The following SPAG17 variants were observed in gnomAD, a reference collection of about 807,000 sequenced individuals.
SPAG17 encodes sperm associated antigen 17, also known as sperm-associated antigen 17.
A neutral mutation model predicts 273.6 loss-of-function variants in SPAG17; 169 were observed. The observed-to-expected ratio is 0.62, with a 90% confidence interval of 0.55 to 0.70. The LOEUF is 0.70. SPAG17 is among the 30% of genes least tolerant of loss of function. SPAG17 has a pLI of 0.00. For missense variants in SPAG17, 2,557 were observed against 2,627.8 expected, an observed-to-expected ratio of 0.97 and a Z score of 0.59; for synonymous variants, 825 against 873.2, an observed-to-expected ratio of 0.94 and a Z score of 0.97.
At chr1:118,119,720 A>T (rs569119338) in intron 3 of SPAG17, among the ~76,000 whole-genome samples, 1 of 152,234 alleles carries the variant, frequency 6.6e-6, no homozygotes, top group Non-Finnish European at 1.5e-5. Flanking sequence ...CTTTCAGCAC[A>T]CATTCTTTTG....
chr1:118,085,190 C>T (rs890648226), intron 13 of SPAG17, among the ~76,000 whole-genome samples: 9 of 152,070 alleles, frequency 5.9e-5, no homozygotes, highest in Non-Finnish European at 2.9e-5. Context: ...TCTCGATCCT[C>T]TTCTTTTTTT....
rs146030923 is a variant in SPAG17, at chr1:118,069,704, T to C, written c.2386-2805A>G. 1.4e-3 allele frequency among the ~76,000 whole-genome samples: 220 copies of C among 152,202 alleles called. 1 individual carries two copies. The highest frequency in any genetic ancestry group is 5.0e-3 in the African/African-American group (208 of 41,526). On this transcript the variant is annotated intron_variant, in intron 17 of 48. Coordinates refer to ENST00000336338, the MANE Select transcript of SPAG17 (RefSeq NM_206996.4). ...TCAGCATTAGATAGTATATAACAGA[T>C]GAGATCATCAAAGAAGGGTGTTTAC...
At chr1:118,103,467 G>C (rs1656195246) in intron 4 of SPAG17, among the ~76,000 whole-genome samples, 1 of 152,152 alleles carries the variant, frequency 6.6e-6, no homozygotes, top group Admixed American at 6.5e-5. Context: ...GGAAACATCA[G>C]TAAAGGCTGC....
At chr1:118,077,717 A>G (rs1253091972) in intron 15 of SPAG17, among the ~76,000 whole-genome samples, 2 of 152,080 alleles carry the variant, frequency 1.3e-5, no homozygotes, top group African/African-American at 4.8e-5. Flanking sequence ...GAGGTAGGCT[A>G]ATAGGTAAGG....
chr1:117,959,380 C>G (rs759929295), intron 48 of SPAG17: 6 of 1,612,778 alleles, frequency 3.7e-6, no homozygotes, highest in Non-Finnish European at 5.1e-6. Context: ...GCTGATGCTA[C>G]TAGCCACTTG....
intron 3 of SPAG17, among the ~76,000 whole-genome samples, chr1:118,147,293 G>C (rs1488709717): frequency 2.6e-5 from 4 of 152,064 alleles, no homozygotes; most frequent in Non-Finnish European, 5.9e-5. Context: ...CGGTAAAACC[G>C]GCTACTATAT....
intron 3 of SPAG17, among the ~76,000 whole-genome samples, chr1:118,147,780 T>G (rs747136194): frequency 6.6e-6 from 1 of 152,214 alleles, no homozygotes; most frequent in Non-Finnish European, 1.5e-5. Flanking sequence ...CTTAGGAATG[T>G]GGTCTTTGCT....
intron 1 of SPAG17, among the ~76,000 whole-genome samples, chr1:118,175,843 T>C (rs187594467): frequency 1.4e-4 from 22 of 152,350 alleles, no homozygotes; most frequent in Admixed American, 1.4e-3. Flanking sequence ...GCTGTAATTA[T>C]GGTGTGCAAT....
rs1406517190 is a variant in SPAG17, at chr1:117,996,493, C to CA, written c.4929dup (p.Val1644CysfsTer5). On this transcript the variant is annotated frameshift_variant, in exon 34 of 49. Coordinates refer to ENST00000336338, the MANE Select transcript of SPAG17 (RefSeq NM_206996.4). LOFTEE classifies it high-confidence loss of function. ...ATTCCTGATCCATCAGCATACATAA[C>CA]AAAAAACCTATTTGAAGAAATAAAA... The CA allele has an allele frequency of 1.2e-6, 2 of 1,609,648 alleles. No homozygotes were observed. The highest frequency in any genetic ancestry group is 8.5e-7 in the Non-Finnish European group (1 of 1,178,536).
chr1:118,111,579 CA>C (rs1221204775), intron 4 of SPAG17, among the ~76,000 whole-genome samples: 15 of 151,658 alleles, frequency 9.9e-5, no homozygotes, highest in African/African-American at 3.6e-4. Flanking sequence ...CACACACACA[CA>C]CACACACACA....
At chr1:118,091,893 A>G in intron 9 of SPAG17, 37 bp downstream of exon 9, 1 of 1,599,682 alleles carries the variant, frequency 6.3e-7, no homozygotes, top group Non-Finnish European at 8.6e-7. Context: ...GTGCCAGCTC[A>G]TGGTGTTGAT....
chr1:118,100,694 T>C (rs1656008940), intron 5 of SPAG17, among the ~76,000 whole-genome samples: 2 of 152,178 alleles, frequency 1.3e-5, no homozygotes, highest in African/African-American at 2.4e-5. Context: ...GGGAGTCAAC[T>C]GGTAAAGGAT....
intron 4 of SPAG17, among the ~76,000 whole-genome samples, chr1:118,110,970 ACC>A (rs2102244893): frequency 6.6e-6 from 1 of 152,230 alleles, no homozygotes; most frequent in South Asian, 2.1e-4. Flanking sequence ...AACTTTTCAT[ACC>A]CTCAGTTTCC....
intron 43 of SPAG17, among the ~76,000 whole-genome samples, chr1:117,977,721 AGTAG>A (rs1272295957): frequency 6.6e-6 from 1 of 152,172 alleles, no homozygotes; most frequent in Non-Finnish European, 1.5e-5. Flanking sequence ...CTGGGGGTGC[AGTAG>A]GTGTTTCAAA....
chr1:118,143,064 A>T (rs1454944769), intron 3 of SPAG17, among the ~76,000 whole-genome samples: 1 of 152,232 alleles, frequency 6.6e-6, no homozygotes, highest in African/African-American at 2.4e-5. Context: ...TGACCCAAAC[A>T]TGTGGGCAAA....
intron 34 of SPAG17, 42 bp downstream of exon 34, chr1:117,996,328 G>A: frequency 6.4e-7 from 1 of 1,565,608 alleles, no homozygotes; most frequent in Non-Finnish European, 8.6e-7. Flanking sequence ...ATGAGAATTG[G>A]CAAAGAGACA....
intron 29 of SPAG17, among the ~76,000 whole-genome samples, chr1:118,015,640 C>T (rs1016558795): frequency 6.6e-6 from 1 of 152,244 alleles, no homozygotes. Context: ...CACACGACGA[C>T]ATCATTAATC....
intron 18 of SPAG17, among the ~76,000 whole-genome samples, chr1:118,060,743 G>A (rs892572531): frequency 6.6e-6 from 1 of 152,022 alleles, no homozygotes; most frequent in Non-Finnish European, 1.5e-5. Context: ...CTTTTGTTTG[G>A]GAAAGACTAT....
rs1422587966 is a variant in SPAG17 at position 118,092,007 on chromosome 1, A to G, written c.1174-5T>C. 19 of 1,613,114 alleles carry G rather than the reference A, an allele frequency of 1.2e-5. No individual in the cohort carries two copies. The highest frequency in any genetic ancestry group is 1.4e-5 in the Non-Finnish European group (17 of 1,179,220). On this transcript the variant is annotated splice_polypyrimidine_tract_variant and splice_region_variant and intron_variant, in intron 8 of 48. Transcript: ENST00000336338. ...TGGTACAGCAGGTTGTGGAGCCTAG[A>G]AAAAGAATAATTAAAAAGAAACAAC... is the stretch of plus-strand genomic sequence containing the variant.
Sources: allele counts gnomAD v4.1 joint callset (sites outside exome capture counted in the v4.1 genomes callset), GRCh38; gene constraint gnomAD v4.1.1; transcripts MANE v1.5; gene names NCBI Gene and HGNC (gene_info 2026-07-23, HGNC 2026-07-21).